Variants in RASGRP1 observed in about 807,000 individuals in gnomAD.
RASGRP1 encodes RAS guanyl-releasing protein 1.
Under a neutral mutation model 95.1 loss-of-function variants are expected in RASGRP1, and 37 were observed. The ratio of observed to expected loss-of-function variants is 0.39; its 90% CI spans 0.30 to 0.51. The LOEUF (loss-of-function observed/expected upper bound fraction) is 0.51, where lower values mean the gene tolerates loss of function less well. Ranked by LOEUF, RASGRP1 falls within the 20% of genes least tolerant of loss-of-function variation. The pLI is 0.80. For synonymous variants in RASGRP1, 325 were observed against 353.4 expected (o/e 0.92, Z 0.90); for missense variants, 711 against 965.4 (o/e 0.74, Z 3.49).
intron 2 of RASGRP1, among the ~76,000 whole-genome samples, chr15:38,546,691 T>C (rs1039026692): frequency 6.6e-6 from 1 of 152,208 alleles, no homozygotes; most frequent in African/African-American, 2.4e-5. Context: ...CAGGATAGAA[T>C]GGAGGCATTA....
chr15:38,539,964 C>T (rs930561317), intron 2 of RASGRP1, among the ~76,000 whole-genome samples: 1 of 152,062 alleles, frequency 6.6e-6, no homozygotes, highest in African/African-American at 2.4e-5. Flanking sequence ...TTGCCCAGGC[C>T]GGAGTGCAGT....
chr15:38,501,231 A>G lies in RASGRP1; in HGVS notation c.1595T>C (p.Ile532Thr). The change falls in exon 13 of 17, where the codon ATC (isoleucine) becomes ACC (threonine). Residue 532 changes from isoleucine (I) to threonine (T), a missense_variant. Physicochemically the swap from Ile to Thr is moderately conservative, Grantham distance 89 (BLOSUM62 -1). Transcript: ENST00000310803. ...ITAYFMRASS[I>T]YSKLGLGFPH... The stretch of plus-strand genomic sequence containing the variant: ...AAAGCCCAGGCCCAGCTTGGAATAG[A>G]TTGAGCTGGCTCTCATGAAGTAGGC... The G allele has an allele frequency of 6.2e-7, 1 of 1,613,064 alleles. No individual in the cohort carries two copies. The highest frequency in any genetic ancestry group is 8.5e-7 in the Non-Finnish European group (1 of 1,179,252).
Position 38,564,788 on chromosome 15 carries a change from C to A in RASGRP1, c.-160G>T. On this transcript the variant is annotated 5_prime_UTR_variant, in exon 1 of 17. Coordinates refer to ENST00000310803, the MANE Select transcript of RASGRP1 (RefSeq NM_005739.4). ...GCCCGGCGAGCCCGACCGAGGTGCA[C>A]CGCAGGCACAAACTTTGTGCGAGCG... 2.1e-6 allele frequency: 1 copy of A among 474,460 alleles called. No individual in the cohort carries two copies. The highest frequency in any genetic ancestry group is 3.0e-6 in the Non-Finnish European group (1 of 334,602). 29.4% of individuals were successfully genotyped at this position (474,460 alleles called of 1,614,324 possible).
intron 16 of RASGRP1, among the ~76,000 whole-genome samples, 181 bp from the exon 17 acceptor site, chr15:38,490,869 T>C (rs1890547198): frequency 6.6e-6 from 1 of 152,198 alleles, no homozygotes; most frequent in Admixed American, 6.5e-5. Context: ...AAACGAGCAT[T>C]TGTAAGCAGC....
chr15:38,505,130 G>T (rs1397620438), intron 10 of RASGRP1: 1 of 152,182 alleles, frequency 6.6e-6, no homozygotes, highest in Non-Finnish European at 1.5e-5. Context: ...AGATGAGCTG[G>T]ATTTCTTAAG....
At chr15:38,527,945 A>C (rs921997981) in intron 2 of RASGRP1, among the ~76,000 whole-genome samples, 4 of 152,102 alleles carry the variant, frequency 2.6e-5, no homozygotes, top group Admixed American at 6.6e-5. Context: ...GTGACAGAGC[A>C]TGAGCCCATC....
At chr15:38,518,825 T>C (rs1891887700) in intron 4 of RASGRP1, among the ~76,000 whole-genome samples, 1 of 152,164 alleles carries the variant, frequency 6.6e-6, no homozygotes, top group Admixed American at 6.5e-5. Context: ...TTACAAAAAG[T>C]CTTTAATGAC....
At chr15:38,518,535 T>A in intron 4 of RASGRP1, 112 bp from the exon 5 acceptor site, 1 of 1,161,926 alleles carries the variant, frequency 8.6e-7, no homozygotes, top group Non-Finnish European at 1.2e-6. Context: ...AAAGACAAAG[T>A]CTGATTCGTC....
chr15:38,552,918 T>C (rs1286835044), intron 2 of RASGRP1, among the ~76,000 whole-genome samples: 1 of 152,132 alleles, frequency 6.6e-6, no homozygotes, highest in East Asian at 1.9e-4. Flanking sequence ...TCTATGTGTC[T>C]TCAATATATG....
At chr15:38,539,663 C>A (rs1240896586) in intron 2 of RASGRP1, among the ~76,000 whole-genome samples, 1 of 151,550 alleles carries the variant, frequency 6.6e-6, no homozygotes, top group African/African-American at 2.4e-5. Context: ...GCTGGTGTGC[C>A]GCACCCACTA....
intron 3 of RASGRP1, among the ~76,000 whole-genome samples, chr15:38,525,257 T>G (rs1162036431): frequency 6.6e-6 from 1 of 152,198 alleles, no homozygotes; most frequent in Non-Finnish European, 1.5e-5. Flanking sequence ...TGTGAGCTAC[T>G]GTGCCCAGAC....
At chr15:38,554,837 G>A (rs1439770786) in intron 2 of RASGRP1, among the ~76,000 whole-genome samples, 1 of 152,208 alleles carries the variant, frequency 6.6e-6, no homozygotes, top group Non-Finnish European at 1.5e-5. Context: ...CTAGCGACTG[G>A]GAGGTTCCAC....
In RASGRP1 at chr15:38,512,798, G is replaced by A; in HGVS notation, c.834C>T (p.Phe278=). The change falls in exon 7 of 17, where the codon TTC becomes TTT. Residue 278 remains phenylalanine, a synonymous_variant. Transcript: ENST00000310803. ...PQLRAEVFIK[F]IQVAQKLHQL... ...AGTTATTCACCTGAGCCACCTGGAT[G>A]AACTTGATGAAGACTTCTGCTCGGA... 6.2e-7 allele frequency: 1 copy of A among 1,613,708 alleles called. No homozygotes were observed. The highest frequency in any genetic ancestry group is 8.5e-7 in the Non-Finnish European group (1 of 1,179,736).
intron 2 of RASGRP1, among the ~76,000 whole-genome samples, chr15:38,531,133 C>T (rs1223158961): frequency 6.6e-6 from 1 of 152,208 alleles, no homozygotes; most frequent in African/African-American, 2.4e-5. Flanking sequence ...GTGCTAAACA[C>T]TTTAACCATG....
At chr15:38,551,053 A>G (rs1893322285) in intron 2 of RASGRP1, among the ~76,000 whole-genome samples, 1 of 152,242 alleles carries the variant, frequency 6.6e-6, no homozygotes, top group South Asian at 2.1e-4. Flanking sequence ...GTAAATGCTC[A>G]AAAGTTAGCT....
intron 16 of RASGRP1, among the ~76,000 whole-genome samples, chr15:38,492,587 C>T (rs1471729025): frequency 6.6e-6 from 1 of 152,170 alleles, no homozygotes; most frequent in Non-Finnish European, 1.5e-5. Context: ...AGGCATTCCT[C>T]CTCCTGTAAT....
intron 14 of RASGRP1, among the ~76,000 whole-genome samples, chr15:38,499,713 GCT>G (rs541376060): frequency 9.2e-5 from 14 of 152,260 alleles, no homozygotes; most frequent in African/African-American, 3.4e-4. Context: ...ATATGGTTTA[GCT>G]CTGTGTCCCC....
At chr15:38,524,897 G>C (rs368114675) in intron 3 of RASGRP1, among the ~76,000 whole-genome samples, 26 of 151,498 alleles carry the variant, frequency 1.7e-4, no homozygotes, top group African/African-American at 2.7e-4. Context: ...GGGAAAGGGA[G>C]GGGGGGTCTG....
chr15:38,513,227 G>A (rs62003608), intron 6 of RASGRP1, among the ~76,000 whole-genome samples: 1,705 of 152,304 alleles, frequency 0.011, 20 homozygotes, highest in Non-Finnish European at 0.019. Context: ...TAATCCAAAT[G>A]CTGTATTTCA....
Sources: gnomAD v4.1 joint callset for allele counts (sites outside exome capture counted in the v4.1 genomes callset) on GRCh38, gnomAD v4.1.1 for gene constraint, MANE v1.5 for transcripts, NCBI Gene and HGNC (gene_info 2026-07-23, HGNC 2026-07-21) for gene names.